The following ADAMTS18 variants were observed in gnomAD, a reference collection of about 807,000 sequenced individuals.
ADAMTS18 encodes ADAM metallopeptidase with thrombospondin type 1 motif 18.
In ADAMTS18, 157 loss-of-function variants were observed where a neutral mutation model predicts 165.9. The ratio of observed to expected loss-of-function variants is 0.95; its 90% CI spans 0.83 to 1.08. The LOEUF (loss-of-function observed/expected upper bound fraction) is 1.08. Ranked by LOEUF, ADAMTS18 falls within the 50% of genes least tolerant of loss-of-function variation. The probability of loss-of-function intolerance (pLI) is 0.00; values close to 1 mark genes in which losing one functional copy is unlikely to be tolerated. For synonymous variants in ADAMTS18, 782 were observed against 578.2 expected, an observed-to-expected ratio of 1.35 and a Z score of -5.06; for missense variants, 2,040 against 1,534.0, an observed-to-expected ratio of 1.33 and a Z score of -5.51.
At chr16:77,314,743 T>C (rs1176631275) in intron 16 of ADAMTS18, among the ~76,000 whole-genome samples, 1 of 109,552 alleles carries the variant, frequency 9.1e-6, no homozygotes, top group East Asian at 2.8e-4. Context: ...CTAAATATGG[T>C]CTCAGGTTTC....
intron 3 of ADAMTS18, among the ~76,000 whole-genome samples, chr16:77,426,100 A>G (rs2057668790): frequency 6.6e-6 from 1 of 152,070 alleles, no homozygotes; most frequent in Admixed American, 6.6e-5. Flanking sequence ...ATTAGTATGG[A>G]AATCCTACCT....
At chr16:77,377,454 G>A (rs1473240156) in intron 3 of ADAMTS18, among the ~76,000 whole-genome samples, 1 of 152,180 alleles carries the variant, frequency 6.6e-6, no homozygotes, top group East Asian at 1.9e-4. Context: ...AAATTTAAAA[G>A]ATCTAATGAA....
chr16:77,285,603 C>T (rs1039546038), intron 22 of ADAMTS18, among the ~76,000 whole-genome samples: 3 of 151,904 alleles, frequency 2.0e-5, no homozygotes, highest in Non-Finnish European at 4.4e-5. Flanking sequence ...TTTTATACAT[C>T]CCCTTCATGT....
intron 3 of ADAMTS18, among the ~76,000 whole-genome samples, chr16:77,426,890 T>C (rs527362215): frequency 6.6e-6 from 1 of 152,286 alleles, no homozygotes; most frequent in East Asian, 1.9e-4. Flanking sequence ...GGTACGTGCC[T>C]GTAGTCCCAG....
chr16:77,325,879 A>G lies in ADAMTS18; in HGVS notation c.2019T>C (p.Tyr673=), dbSNP rs373163890. The G allele has an allele frequency of 2.5e-6, 4 of 1,613,828 alleles. No individual in the cohort carries two copies. Among genetic ancestry groups the G allele is most frequent in the Non-Finnish European group, 3.4e-6 (4 of 1,179,870 alleles). Residue 673 remains tyrosine (Y), a synonymous_variant, in exon 13 of 23, where the codon TAT becomes TAC. Transcript: ENST00000282849. ...FRGWFYQWKP[Y]TKVEEEDRCK... The stretch of plus-strand genomic sequence containing the variant: ...AGACCAAATTACCTTCCACTTTTGT[A>G]TAGGGTTTCCACTGGTAGAACCATC...
At chr16:77,410,024 A>G (rs369537501) in intron 3 of ADAMTS18, among the ~76,000 whole-genome samples, 36 of 152,288 alleles carry the variant, frequency 2.4e-4, no homozygotes, top group African/African-American at 8.7e-4. Context: ...GATCTATTAA[A>G]TTTTGATGCT....
At position 77,338,871 on chromosome 16, in the gene ADAMTS18, G is replaced by T. The variant is rs963944772; in HGVS notation, c.1710+2833C>A. Among the ~76,000 whole-genome samples the T allele has an allele frequency of 7.9e-5, 12 of 151,122 alleles. No individual in the cohort carries two copies. The South Asian group carries it at 1.3e-3, about 16-fold the overall frequency. On this transcript the variant is annotated intron_variant, in intron 11 of 22. Transcript: ENST00000282849. ...CGGGAGGCTGAGGCAGGAGAATGGC[G>T]TGAACCCGGGAGATGGAGCCTGCAG...
rs140776560 is a variant in ADAMTS18, at chr16:77,295,145, A to G, written c.2802-18T>C. On this transcript the variant is annotated intron_variant, in intron 18 of 22. Transcript: ENST00000282849. ...GCATCCAGCTTTCAGTGCAAAACAAACATTACCAATGAAGCCAAACTTTGT... is the reference window on the plus strand; with the variant it reads ...GCATCCAGCTTTCAGTGCAAAACAAGCATTACCAATGAAGCCAAACTTTGT... 1.9e-6 allele frequency: 3 copies of G among 1,613,976 alleles called. No homozygotes were observed. In the African/African-American group the frequency reaches 4.0e-5, roughly 22 times the overall value.
At chr16:77,420,793 C>T (rs2057591897) in intron 3 of ADAMTS18, among the ~76,000 whole-genome samples, 1 of 152,058 alleles carries the variant, frequency 6.6e-6, no homozygotes, top group African/African-American at 2.4e-5. Context: ...ATAATTAAGG[C>T]AGGGGGAAGA....
At chr16:77,408,747 G>A (rs1232909990) in intron 3 of ADAMTS18, among the ~76,000 whole-genome samples, 1 of 152,148 alleles carries the variant, frequency 6.6e-6, no homozygotes, top group Non-Finnish European at 1.5e-5. Flanking sequence ...CTTTTGCAAT[G>A]ATGGTGACAT....
At chr16:77,392,627 C>G (rs1289324460) in intron 3 of ADAMTS18, among the ~76,000 whole-genome samples, 1 of 152,144 alleles carries the variant, frequency 6.6e-6, no homozygotes, top group Non-Finnish European at 1.5e-5. Flanking sequence ...CATTTCTACA[C>G]TAGAGTGCAG....
intron 10 of ADAMTS18, 96 bp from the exon 11 acceptor site, chr16:77,341,895 G>A (rs1248803884): frequency 1.0e-6 from 1 of 988,626 alleles, no homozygotes; most frequent in Non-Finnish European, 1.5e-6. Context: ...TTTTGGGGTA[G>A]CTGAAATCAG....
At chr16:77,355,184 T>A (rs1267296734) in intron 9 of ADAMTS18, among the ~76,000 whole-genome samples, 1 of 134,112 alleles carries the variant, frequency 7.5e-6, no homozygotes, top group South Asian at 2.4e-4. Context: ...TGGGTCAATA[T>A]AGATTATAAA....
At chr16:77,405,408 G>A (rs1483571032) in intron 3 of ADAMTS18, among the ~76,000 whole-genome samples, 2 of 152,150 alleles carry the variant, frequency 1.3e-5, no homozygotes, top group African/African-American at 2.4e-5. Flanking sequence ...TTATTGTAAT[G>A]CTTTGAATGA....
At chr16:77,289,640 T>C (rs890443668) in intron 21 of ADAMTS18, among the ~76,000 whole-genome samples, 1 of 152,102 alleles carries the variant, frequency 6.6e-6, no homozygotes, top group Non-Finnish European at 1.5e-5. Context: ...AGCCCAAGAG[T>C]GTGTGTCTCC....
chr16:77,322,542 A>T, intron 13 of ADAMTS18, 76 bp from the exon 14 acceptor site: 2 of 1,543,900 alleles, frequency 1.3e-6, no homozygotes, highest in Non-Finnish European at 1.8e-6. Flanking sequence ...CAAAAGAATG[A>T]ATTAAATTTA....
intron 7 of ADAMTS18, among the ~76,000 whole-genome samples, chr16:77,361,676 G>A (rs1233425329): frequency 6.6e-6 from 1 of 152,200 alleles, no homozygotes; most frequent in Admixed American, 6.5e-5. Flanking sequence ...CTGAGGTCAG[G>A]AGTTCGAGAC....
rs1213587830 is a variant in ADAMTS18, at chr16:77,320,052, T to C, written c.2329A>G (p.Ile777Val). 1 of 1,614,152 alleles carries C rather than the reference T, an allele frequency of 6.2e-7. No homozygotes were observed. Among genetic ancestry groups the C allele is most frequent in the East Asian group, 2.2e-5 (1 of 44,846 alleles). ...VVLIPAGARS[I>V]EIQELQVSSS... ...GAAACCTGCAGCTCCTGGATTTCGA[T>C]GCTTCGGGCGCCAGCTGGAATGAGG... Residue 777 changes from isoleucine (I) to valine (V), a missense_variant, in exon 16 of 23, where the codon ATC becomes GTC. Coordinates refer to ENST00000282849, the MANE Select transcript of ADAMTS18 (RefSeq NM_199355.4).
chr16:77,384,600 A>T lies in ADAMTS18; in HGVS notation c.496-16877T>A, dbSNP rs568588862. Among the ~76,000 whole-genome samples the T allele has an allele frequency of 1.3e-3, 202 of 152,316 alleles. 1 individual carries two copies. Among genetic ancestry groups the T allele is most frequent in the African/African-American group, 4.5e-3 (186 of 41,566 alleles). ...TCTGAAGGTTTTGAATGGAAAAGCC[A>T]TAAAAACCAATGTACGTTATAGAAA... is the stretch of plus-strand genomic sequence containing the variant. On this transcript the variant is annotated intron_variant, in intron 3 of 22. Coordinates refer to ENST00000282849, the MANE Select transcript of ADAMTS18 (RefSeq NM_199355.4).
Sources: gnomAD v4.1 joint callset for allele counts (sites outside exome capture counted in the v4.1 genomes callset) on GRCh38, gnomAD v4.1.1 for gene constraint, MANE v1.5 for transcripts, NCBI Gene and HGNC (gene_info 2026-07-23, HGNC 2026-07-21) for gene names.